The following DNAJC1 variants were observed in gnomAD, a reference collection of about 807,000 sequenced individuals.
The protein encoded by DNAJC1 is DnaJ heat shock protein family (Hsp40) member C1, also known as dnaJ homolog subfamily C member 1.
A neutral mutation model predicts 76.6 loss-of-function variants in DNAJC1; 58 were observed. The ratio of observed to expected loss-of-function variants is 0.76; its 90% CI spans 0.61 to 0.94. The LOEUF (loss-of-function observed/expected upper bound fraction) is 0.94. DNAJC1 is among the 40% of genes least tolerant of loss of function. DNAJC1 has a pLI of 0.00. For synonymous variants in DNAJC1, 258 were observed against 267.9 expected (o/e 0.96, Z 0.36); for missense variants, 689 against 677.3 (o/e 1.02, Z -0.19).
At chr10:21,934,565 T>A (rs577122216) in intron 1 of DNAJC1, among the ~76,000 whole-genome samples, 83 of 152,266 alleles carry the variant, frequency 5.5e-4, no homozygotes, top group African/African-American at 1.8e-3. Flanking sequence ...ACAAGTACAT[T>A]TTGTACCTAT....
intron 8 of DNAJC1, among the ~76,000 whole-genome samples, chr10:21,848,547 A>G (rs1372552034): frequency 1.3e-5 from 2 of 152,222 alleles, no homozygotes; most frequent in Non-Finnish European, 2.9e-5. Flanking sequence ...TTTCCCCAAT[A>G]TAACCCCACT....
At chr10:21,918,645 TA>T in intron 6 of DNAJC1, 133 bp downstream of exon 6, 1 of 605,604 alleles carries the variant, frequency 1.7e-6, no homozygotes, top group South Asian at 2.3e-5. Context: ...GTTTAACTTA[TA>T]AAAATCCTAC....
At chr10:21,759,845 T>C (rs931794418) in intron 10 of DNAJC1, among the ~76,000 whole-genome samples, 1 of 152,212 alleles carries the variant, frequency 6.6e-6, no homozygotes, top group Middle Eastern at 3.2e-3. Flanking sequence ...TTGAACCCAC[T>C]TCTGTCTGAT....
chr10:21,840,592 G>A (rs987813892), intron 8 of DNAJC1, among the ~76,000 whole-genome samples: 3 of 152,120 alleles, frequency 2.0e-5, no homozygotes, highest in African/African-American at 7.2e-5. Context: ...ACTGCTCAAC[G>A]AAATAAAAGA....
chr10:21,770,317 T>A (rs1013866699), intron 9 of DNAJC1, among the ~76,000 whole-genome samples: 1 of 152,126 alleles, frequency 6.6e-6, no homozygotes, highest in African/African-American at 2.4e-5. Context: ...TGGAGGAATA[T>A]CTATTCATAT....
At chr10:21,799,070 T>C (rs1834781743) in intron 9 of DNAJC1, among the ~76,000 whole-genome samples, 1 of 152,176 alleles carries the variant, frequency 6.6e-6, no homozygotes, top group Non-Finnish European at 1.5e-5. Flanking sequence ...AATGTGTGGA[T>C]TTTAAAAACT....
intron 9 of DNAJC1, among the ~76,000 whole-genome samples, 166 bp from the exon 10 acceptor site, chr10:21,766,475 C>A (rs538817784): frequency 6.6e-6 from 1 of 152,204 alleles, no homozygotes; most frequent in South Asian, 2.1e-4. Flanking sequence ...AACAAGAAAA[C>A]TGAAGCCCAG....
intron 3 of DNAJC1, among the ~76,000 whole-genome samples, chr10:21,927,414 T>C (rs1203557780): frequency 6.6e-6 from 1 of 152,212 alleles, no homozygotes; most frequent in African/African-American, 2.4e-5. Flanking sequence ...TCTGGAGATG[T>C]ATTACCCCCC....
At chr10:21,976,404 T>C (rs748317705) in intron 1 of DNAJC1, among the ~76,000 whole-genome samples, 2 of 152,186 alleles carry the variant, frequency 1.3e-5, no homozygotes, top group Non-Finnish European at 2.9e-5. Flanking sequence ...AGGCAATCCA[T>C]ACAAACATTT....
At chr10:21,908,050 A>C (rs1215255202) in intron 6 of DNAJC1, among the ~76,000 whole-genome samples, 13 of 119,426 alleles carry the variant, frequency 1.1e-4, no homozygotes, top group African/African-American at 4.2e-4. Context: ...TATAATATAT[A>C]AATATATATA....
intron 8 of DNAJC1, among the ~76,000 whole-genome samples, chr10:21,811,504 T>C (rs1402048067): frequency 2.0e-5 from 3 of 152,206 alleles, no homozygotes; most frequent in South Asian, 2.1e-4. Context: ...CTCCTATCAG[T>C]GTGAGAGTTG....
At chr10:21,904,650 T>G (rs777549432) in intron 6 of DNAJC1, 38 bp from the exon 7 acceptor site, 1 of 1,246,260 alleles carries the variant, frequency 8.0e-7, no homozygotes, top group Middle Eastern at 1.9e-4. Context: ...AACATAAAAA[T>G]CAGTGTGCTT....
chr10:21,833,670 A>G (rs1835399160), intron 8 of DNAJC1, among the ~76,000 whole-genome samples: 1 of 152,174 alleles, frequency 6.6e-6, no homozygotes, highest in African/African-American at 2.4e-5. Flanking sequence ...ATAAGTTAAT[A>G]CACATGAAGT....
rs564362601 is a variant in DNAJC1, at chr10:21,807,420, T to C, written c.979-1321A>G. Reference sequence around the variant, plus strand: ...AGCTTAACGGGGCCCTTCCTGACTTTTTACTGTCTCCCCCAATCAATGGTT... The same window carrying C: ...AGCTTAACGGGGCCCTTCCTGACTTCTTACTGTCTCCCCCAATCAATGGTT... On this transcript the variant is annotated intron_variant, in intron 8 of 11. Coordinates refer to ENST00000376980, the MANE Select transcript of DNAJC1 (RefSeq NM_022365.4). 3.9e-5 allele frequency among the ~76,000 whole-genome samples: 6 copies of C among 152,264 alleles called. No homozygotes were observed. The East Asian group carries it at 1.2e-3, about 29-fold the overall frequency.
intron 8 of DNAJC1, among the ~76,000 whole-genome samples, chr10:21,808,244 A>G (rs1381086888): frequency 6.6e-6 from 1 of 152,178 alleles, no homozygotes; most frequent in Non-Finnish European, 1.5e-5. Context: ...TGTTTCAGGT[A>G]GTAAACTAAG....
intron 8 of DNAJC1, among the ~76,000 whole-genome samples, chr10:21,819,265 G>C (rs1835119749): frequency 6.6e-6 from 1 of 152,054 alleles, no homozygotes; most frequent in Non-Finnish European, 1.5e-5. Flanking sequence ...GCTGGGCATG[G>C]TGGCGTGCAT....
chr10:22,003,717 C>T lies in DNAJC1; in HGVS notation c.-283G>A, dbSNP rs909978356. ...CAGCTGTAGAGGCAGCGCCCGGCGC[C>T]TGGGCTGCACAGTGGGTGAGGCTTC... On this transcript the variant is annotated 5_prime_UTR_variant, in exon 1 of 12. Coordinates refer to ENST00000376980, the MANE Select transcript of DNAJC1 (RefSeq NM_022365.4). 6 of 341,050 alleles carry T rather than the reference C, an allele frequency of 1.8e-5. No individual in the cohort carries two copies. Among genetic ancestry groups the T allele is most frequent in the African/African-American group, 8.6e-5 (4 of 46,692 alleles). 21.1% of individuals were successfully genotyped at this position (341,050 alleles called of 1,614,324 possible). A position where few individuals can be genotyped will look rare whatever the true frequency, so the allele number is the denominator to read the frequency against.
chr10:21,762,033 G>A (rs1379330340), intron 10 of DNAJC1, among the ~76,000 whole-genome samples: 2 of 152,096 alleles, frequency 1.3e-5, no homozygotes, highest in Non-Finnish European at 2.9e-5. Flanking sequence ...TCAGCCTCTC[G>A]AGTAGCTGGG....
At chr10:21,831,399 C>CTGGTT (rs1835354767) in intron 8 of DNAJC1, among the ~76,000 whole-genome samples, 1 of 152,322 alleles carries the variant, frequency 6.6e-6, no homozygotes, top group Admixed American at 6.5e-5. Context: ...TGCTAATACT[C>CTGGTT]TGGTTTTGAG....
Sources: gnomAD v4.1 joint callset for allele counts (sites outside exome capture counted in the v4.1 genomes callset) on GRCh38, gnomAD v4.1.1 for gene constraint, MANE v1.5 for transcripts, NCBI Gene and HGNC (gene_info 2026-07-23, HGNC 2026-07-21) for gene names.